Variants in NAGA observed in about 807,000 individuals in gnomAD.
NAGA encodes alpha-N-acetylgalactosaminidase.
NAGA carries 42 observed loss-of-function variants against 45.6 expected under a neutral mutation model. The ratio of observed to expected loss-of-function variants is 0.92; its 90% CI spans 0.72 to 1.19. The LOEUF is 1.19. Among genes scored for constraint, NAGA ranks in the 50% most tolerant of loss-of-function variants. The pLI, the probability that NAGA is intolerant of heterozygous loss-of-function variation, is 0.00. For synonymous variants in NAGA, 176 were observed against 203.1 expected (o/e 0.87, Z 1.13); for missense variants, 493 against 544.8 (o/e 0.90, Z 0.95).
chr22:42,070,405 G>T lies in NAGA; in HGVS notation c.-108C>A. The T allele has an allele frequency of 7.2e-7, 1 of 1,386,852 alleles. No homozygotes were observed. Among genetic ancestry groups the T allele is most frequent in the Non-Finnish European group, 1.0e-6 (1 of 974,098 alleles). 85.9% of individuals were successfully genotyped at this position (1,386,852 alleles called of 1,614,324 possible). A position where few individuals can be genotyped will look rare whatever the true frequency, so the allele number is the denominator to read the frequency against. Reference sequence around the variant, plus strand: ...AACGTCTGAAAAGCACTGGGGTCACGGCTGCCTGGCTAGCTCGGCCGCCCT... The same window carrying T: ...AACGTCTGAAAAGCACTGGGGTCACTGCTGCCTGGCTAGCTCGGCCGCCCT... On this transcript the variant is annotated 5_prime_UTR_variant, in exon 1 of 9. Transcript: ENST00000396398.
At chr22:42,068,383 C>T in intron 2 of NAGA, 56 bp downstream of exon 2, 1 of 1,613,734 alleles carries the variant, frequency 6.2e-7, no homozygotes, top group Non-Finnish European at 8.5e-7. Flanking sequence ...ACTTCCTGCC[C>T]CCGAATCTGC....
chr22:42,060,464 A>G (rs1156884617), intron 8 of NAGA, 51 bp from the exon 9 acceptor site: 1 of 1,607,698 alleles, frequency 6.2e-7, no homozygotes, highest in Non-Finnish European at 8.5e-7. Context: ...GGCGGCACAG[A>G]GACCCCCCCC....
At position 42,068,590 on chromosome 22, in the gene NAGA, G is replaced by A. The variant is rs375610513; in HGVS notation, c.17-16C>T. ...AGCAAGAGCACTAGGGGGCAAGGGA[G>A]GAGGGGATGGTGACTATCAGTTGCC... On this transcript the variant is annotated splice_polypyrimidine_tract_variant and intron_variant, in intron 1 of 8. Transcript: ENST00000396398. The A allele has an allele frequency of 6.8e-6, 11 of 1,613,828 alleles. 1 individual carries two copies. The South Asian group carries it at 1.1e-4, about 16-fold the overall frequency.
chr22:42,067,383 G>T, intron 3 of NAGA, 93 bp from the exon 4 acceptor site: 3 of 1,500,670 alleles, frequency 2.0e-6, no homozygotes, highest in Non-Finnish European at 2.8e-6. Context: ...ACCTCCAGTG[G>T]CTCCCACGGA....
intron 6 of NAGA, among the ~76,000 whole-genome samples, chr22:42,063,656 C>T (rs1926540668): frequency 6.6e-6 from 1 of 152,268 alleles, no homozygotes; most frequent in African/African-American, 2.4e-5. Flanking sequence ...GACCCTTTCA[C>T]ATGGACCCCT....
chr22:42,060,819 A>G, intron 8 of NAGA, 105 bp downstream of exon 8: 1 of 1,524,300 alleles, frequency 6.6e-7, no homozygotes, highest in Admixed American at 1.7e-5. Flanking sequence ...AGAGGCCCTA[A>G]GCCCACGGCT....
rs1177675278 is a variant in NAGA at position 42,060,204 on chromosome 22, C to G, written c.*75G>C. On this transcript the variant is annotated 3_prime_UTR_variant, in exon 9 of 9. Transcript: ENST00000396398. ...GCCTGGGGAGCAGAGAACCTCCCCA[C>G]TTGCCCTGGGCATGCCAAGGCTCCA... 1.3e-6 allele frequency: 2 copies of G among 1,591,688 alleles called. No homozygotes were observed. The highest frequency in any genetic ancestry group is 2.7e-5 in the African/African-American group (2 of 74,588).
intron 2 of NAGA, 26 bp downstream of exon 2, chr22:42,068,413 A>G: frequency 6.2e-7 from 1 of 1,614,116 alleles, no homozygotes; most frequent in Non-Finnish European, 8.5e-7. Flanking sequence ...GGCAAGGCTC[A>G]TCAGGTGAGT....
rs1602490557 is a variant in NAGA at position 42,060,926 on chromosome 22, CAT to C, written c.1097_1098del (p.Tyr366Ter). 6.2e-7 allele frequency: 1 copy of C among 1,614,166 alleles called. No individual in the cohort carries two copies. Among genetic ancestry groups the C allele is most frequent in the Non-Finnish European group, 8.5e-7 (1 of 1,180,020 alleles). On this transcript the variant is annotated frameshift_variant, in exon 8 of 9. Transcript: ENST00000396398. LOFTEE classifies it high-confidence loss of function. ...GQLNFTGSVI[Y>X]EAQDVYSGDI... ...GCTGCAGGCAGCCGGGTGCTCACCT[CAT>C]ATATCACAGACCCGGTGAAGTTCAG...
At chr22:42,067,035 A>T in intron 4 of NAGA, 78 bp downstream of exon 4, 1 of 1,595,740 alleles carries the variant, frequency 6.3e-7, no homozygotes, top group Non-Finnish European at 8.6e-7. Flanking sequence ...TGGGAAGCTC[A>T]GCCAGGTGGG....
intron 1 of NAGA, among the ~76,000 whole-genome samples, chr22:42,069,965 AC>A (rs1472041616): frequency 6.6e-6 from 1 of 152,192 alleles, no homozygotes; most frequent in Non-Finnish European, 1.5e-5. Context: ...CCTAAGTGAG[AC>A]CTTTCCCCCT....
chr22:42,069,619 CAAAAA>C (rs60526991), intron 1 of NAGA, among the ~76,000 whole-genome samples: 2 of 93,936 alleles, frequency 2.1e-5, no homozygotes, highest in African/African-American at 4.3e-5. Flanking sequence ...GACTCCGTCT[CAAAAA>C]AAAAAAAAAA....
At chr22:42,063,121 G>T in intron 6 of NAGA, 97 bp from the exon 7 acceptor site, 4 of 1,247,792 alleles carry the variant, frequency 3.2e-6, no homozygotes, top group Non-Finnish European at 4.6e-6. Flanking sequence ...AGCAATTAGG[G>T]ATTAGGGAAA....
chr22:42,065,889 CTG>C lies in NAGA; in HGVS notation c.606_607del (p.Tyr202Ter), dbSNP rs1461803502. On this transcript the variant is annotated stop_gained and frameshift_variant, in exon 6 of 9. Coordinates refer to ENST00000396398, the MANE Select transcript of NAGA (RefSeq NM_000262.3). LOFTEE classifies it high-confidence loss of function. ...GAGGTTGCAGATGTCCGCCAGCAGA[CTG>C]TAGTTCACCTGGATGTCGAGGGGAA... is the stretch of plus-strand genomic sequence containing the variant. 1 of 1,614,088 alleles carries C rather than the reference CTG, an allele frequency of 6.2e-7. No individual in the cohort carries two copies. Among genetic ancestry groups the C allele is most frequent in the Admixed American group, 1.7e-5 (1 of 60,010 alleles).
At position 42,060,245 on chromosome 22, in the gene NAGA, G is replaced by A. The variant is rs1338187941; in HGVS notation, c.*34C>T. The A allele has an allele frequency of 6.2e-7, 1 of 1,611,464 alleles. No homozygotes were observed. The highest frequency in any genetic ancestry group is 8.5e-7 in the Non-Finnish European group (1 of 1,179,930). ...CAAGGCTCCATGGTCTAGGCTCAGT[G>A]GTGCCACCACAGCCTGTCACATGTC... On this transcript the variant is annotated 3_prime_UTR_variant, in exon 9 of 9. Coordinates refer to ENST00000396398, the MANE Select transcript of NAGA (RefSeq NM_000262.3).
chr22:42,067,369 T>C, intron 3 of NAGA, 79 bp from the exon 4 acceptor site: 1 of 1,564,828 alleles, frequency 6.4e-7, no homozygotes, highest in South Asian at 1.1e-5. Flanking sequence ...CCCCGTCCCA[T>C]TAAACCTCCA....
At chr22:42,069,569 C>T (rs926186164) in intron 1 of NAGA, among the ~76,000 whole-genome samples, 11 of 144,372 alleles carry the variant, frequency 7.6e-5, no homozygotes, top group African/African-American at 2.3e-4. Context: ...GAGCCGAGAT[C>T]GCGCCACTCT....
Position 42,065,752 on chromosome 22 carries a change from TC to T in NAGA, c.744del (p.Trp248Ter). The T allele has an allele frequency of 6.2e-7, 1 of 1,613,950 alleles. No individual in the cohort carries two copies. The highest frequency in any genetic ancestry group is 1.1e-5 in the South Asian group (1 of 91,062). On this transcript the variant is annotated frameshift_variant, in exon 6 of 9. Coordinates refer to ENST00000396398, the MANE Select transcript of NAGA (RefSeq NM_000262.3). LOFTEE classifies it high-confidence loss of function. ...ILQPVAGPGH[W>X]NDPDMLLIGN... The stretch of plus-strand genomic sequence containing the variant: ...CATCCTGGTACCATGTCAGGGTCAT[TC>T]CAGTGCCCAGGGCCGGCCACTGGCT...
At chr22:42,068,316 G>T in intron 2 of NAGA, 123 bp downstream of exon 2, 1 of 1,491,524 alleles carries the variant, frequency 6.7e-7, no homozygotes, top group Non-Finnish European at 9.3e-7. Context: ...GTGACTTCTG[G>T]CTGCAGTCTC....
Sources: allele counts gnomAD v4.1 joint callset (sites outside exome capture counted in the v4.1 genomes callset), GRCh38; gene constraint gnomAD v4.1.1; transcripts MANE v1.5; gene names NCBI Gene and HGNC (gene_info 2026-07-23, HGNC 2026-07-21).